ROR1: variants seen among roughly 807,000 people sequenced by gnomAD.
The protein encoded by ROR1 is inactive tyrosine-protein kinase transmembrane receptor ROR1.
A neutral mutation model predicts 78.8 loss-of-function variants in ROR1; 19 were observed. The observed-to-expected ratio is 0.24, with a 90% CI of 0.17 to 0.35. ROR1 has a LOEUF of 0.35. Ranked by LOEUF, ROR1 falls within the 10% of genes least tolerant of loss-of-function variation. The pLI is 1.00. For missense variants in ROR1, 917 were observed against 1,177.8 expected, an observed-to-expected ratio of 0.78 and a Z score of 3.24; for synonymous variants, 386 against 433.6, an observed-to-expected ratio of 0.89 and a Z score of 1.36.
At chr1:63,872,273 T>C (rs1352033857) in intron 1 of ROR1, among the ~76,000 whole-genome samples, 9 of 152,186 alleles carry the variant, frequency 5.9e-5, no homozygotes, top group African/African-American at 1.9e-4. Flanking sequence ...TTTGATGATC[T>C]GCCTGGGAAT....
chr1:63,949,981 T>C (rs138655385), intron 1 of ROR1, among the ~76,000 whole-genome samples: 160 of 152,288 alleles, frequency 1.1e-3, no homozygotes, highest in African/African-American at 3.8e-3. Context: ...TCTTGAAGAT[T>C]CCTTTCTCAT....
intron 4 of ROR1, among the ~76,000 whole-genome samples, chr1:64,079,994 C>T (rs1647088021): frequency 6.6e-6 from 1 of 152,084 alleles, no homozygotes; most frequent in African/African-American, 2.4e-5. Flanking sequence ...GGCAGAATGC[C>T]CATCCCTTCT....
chr1:64,120,641 G>A (rs930909639), intron 4 of ROR1, among the ~76,000 whole-genome samples: 9 of 152,186 alleles, frequency 5.9e-5, no homozygotes, highest in Admixed American at 1.3e-4. Context: ...ACTGGACCAT[G>A]TAGGTCTAAT....
At chr1:64,106,633 T>A (rs1169586431) in intron 4 of ROR1, 3 of 152,204 alleles carry the variant, frequency 2.0e-5, no homozygotes, top group Non-Finnish European at 4.4e-5. Context: ...ATATGTTCCA[T>A]CAATATCTAG....
At chr1:64,151,220 C>T (rs1649611789) in intron 7 of ROR1, among the ~76,000 whole-genome samples, 3 of 152,194 alleles carry the variant, frequency 2.0e-5, no homozygotes, top group African/African-American at 7.2e-5. Flanking sequence ...AGATCAGTTA[C>T]CTTACCTTGC....
At chr1:64,046,867 T>G (rs895873868) in intron 2 of ROR1, among the ~76,000 whole-genome samples, 1 of 152,240 alleles carries the variant, frequency 6.6e-6, no homozygotes, top group African/African-American at 2.4e-5. Flanking sequence ...TAAACCACTC[T>G]GATCCTAGGT....
chr1:63,782,776 CA>C (rs1458319740), intron 1 of ROR1, among the ~76,000 whole-genome samples: 5 of 152,140 alleles, frequency 3.3e-5, no homozygotes, highest in African/African-American at 4.8e-5. Context: ...GTGCCTCTAG[CA>C]CTGTAGAGAA....
intron 4 of ROR1, among the ~76,000 whole-genome samples, chr1:64,077,128 G>T (rs2360720): frequency 0.33 from 49,667 of 152,050 alleles, 9,803 homozygotes; most frequent in East Asian, 0.59. Flanking sequence ...ACATAGTATG[G>T]TTCAATAGAT....
intron 4 of ROR1, among the ~76,000 whole-genome samples, chr1:64,072,399 A>G (rs1275331922): frequency 6.6e-6 from 1 of 152,172 alleles, no homozygotes; most frequent in Non-Finnish European, 1.5e-5. Flanking sequence ...AATAAGCTCT[A>G]TCAGTTCTCA....
chr1:63,881,411 T>C (rs1284452570), intron 1 of ROR1, among the ~76,000 whole-genome samples: 2 of 152,148 alleles, frequency 1.3e-5, no homozygotes, highest in Non-Finnish European at 2.9e-5. Flanking sequence ...GCAGTCAAAT[T>C]GGTTCCCGGC....
chr1:63,870,851 C>T (rs1013594623), intron 1 of ROR1, among the ~76,000 whole-genome samples: 10 of 152,156 alleles, frequency 6.6e-5, no homozygotes, highest in African/African-American at 2.2e-4. Flanking sequence ...GGAAGTGCCA[C>T]TGGGAGTGAG....
chr1:63,799,157 T>A (rs532549868), intron 1 of ROR1, among the ~76,000 whole-genome samples: 1 of 152,252 alleles, frequency 6.6e-6, no homozygotes, highest in East Asian at 1.9e-4. Context: ...CTAGAGATAA[T>A]ACATGTAAAG....
At position 64,158,701 on chromosome 1, in the gene ROR1, A is replaced by G. The variant is rs79624599; in HGVS notation, c.1175-280A>G. 2.0e-3 allele frequency among the ~76,000 whole-genome samples: 304 copies of G among 152,362 alleles called. 9 individuals carry two copies. The East Asian group carries it at 0.049, about 25-fold the overall frequency. ...TAGAGAAATGTAGGTCTGCCACTAA[A>G]GAGAGGCAACATCAGAGGAGGACCC... is the stretch of plus-strand genomic sequence containing the variant. On this transcript the variant is annotated intron_variant, in intron 7 of 8. Transcript: ENST00000371079.
At chr1:63,830,708 T>G (rs1644982139) in intron 1 of ROR1, among the ~76,000 whole-genome samples, 1 of 152,164 alleles carries the variant, frequency 6.6e-6, no homozygotes, top group African/African-American at 2.4e-5. Flanking sequence ...TCATGTCTTT[T>G]TCACATTTAA....
chr1:64,047,975 T>A (rs1379397636), intron 2 of ROR1, among the ~76,000 whole-genome samples: 1 of 152,196 alleles, frequency 6.6e-6, no homozygotes, highest in Non-Finnish European at 1.5e-5. Context: ...TAAATGCCAT[T>A]CATATGTGAG....
chr1:63,965,608 C>G (rs548782633), intron 1 of ROR1, among the ~76,000 whole-genome samples: 1 of 152,050 alleles, frequency 6.6e-6, no homozygotes, highest in African/African-American at 2.4e-5. Flanking sequence ...CAGGGACTTG[C>G]GTAGTTGCAT....
intron 1 of ROR1, among the ~76,000 whole-genome samples, chr1:63,937,514 A>G (rs1220239936): frequency 6.6e-6 from 1 of 150,986 alleles, no homozygotes; most frequent in African/African-American, 2.4e-5. Flanking sequence ...TTTTTTTTTT[A>G]ATTATATGGC....
At chr1:64,072,083 A>G (rs1647008750) in intron 4 of ROR1, among the ~76,000 whole-genome samples, 1 of 152,212 alleles carries the variant, frequency 6.6e-6, no homozygotes, top group Non-Finnish European at 1.5e-5. Context: ...AACGGAAAAC[A>G]CCAGTGCTTC....
intron 4 of ROR1, among the ~76,000 whole-genome samples, chr1:64,102,809 C>T (rs1175567841): frequency 6.6e-6 from 1 of 152,104 alleles, no homozygotes; most frequent in Non-Finnish European, 1.5e-5. Context: ...ATAATAATTC[C>T]TTGTTGTAGG....
Sources: gnomAD v4.1 joint callset for allele counts (sites outside exome capture counted in the v4.1 genomes callset) on GRCh38, gnomAD v4.1.1 for gene constraint, MANE v1.5 for transcripts, NCBI Gene and HGNC (gene_info 2026-07-23, HGNC 2026-07-21) for gene names.